Variants in ELMO1 observed in about 807,000 individuals in gnomAD.
ELMO1 encodes the protein engulfment and cell motility 1.
ELMO1 carries 26 observed loss-of-function variants against 98.9 expected under a neutral mutation model. That is an observed-to-expected ratio of 0.26 (90% CI 0.19 to 0.36). The LOEUF (loss-of-function observed/expected upper bound fraction) is 0.36. ELMO1 is among the 10% of genes least tolerant of loss of function. ELMO1 has a pLI of 1.00. For synonymous variants in ELMO1, 346 were observed against 346.0 expected (o/e 1.00, Z 0.00); for missense variants, 627 against 935.2 (o/e 0.67, Z 4.30).
At chr7:36,859,275 TACC>T (rs1433818814) in intron 21 of ELMO1, among the ~76,000 whole-genome samples, 1 of 152,234 alleles carries the variant, frequency 6.6e-6, no homozygotes, top group Non-Finnish European at 1.5e-5. Context: ...AATAAATAAA[TACC>T]ACATTATTAA....
Position 37,255,795 on chromosome 7 carries a change from A to C in ELMO1, c.413+3386T>G, listed in dbSNP as rs1350030875. Among the ~76,000 whole-genome samples the C allele has an allele frequency of 1.3e-5, 2 of 152,210 alleles. 1 individual carries two copies. The highest frequency in any genetic ancestry group is 4.8e-5 in the African/African-American group (2 of 41,454). On this transcript the variant is annotated intron_variant, in intron 6 of 21. Coordinates refer to ENST00000310758, the MANE Select transcript of ELMO1 (RefSeq NM_014800.11). ...GGCTCTGATGCATTGTCCTTGACTTAGCTTAATCAATAAACAGGGGTAAAC... is the reference window on the plus strand; with the variant it reads ...GGCTCTGATGCATTGTCCTTGACTTCGCTTAATCAATAAACAGGGGTAAAC...
intron 1 of ELMO1, among the ~76,000 whole-genome samples, chr7:37,410,007 C>T (rs1460079476): frequency 2.0e-5 from 3 of 152,214 alleles, no homozygotes; most frequent in Non-Finnish European, 4.4e-5. Context: ...TCCCTCCTTC[C>T]CGCAAAGTCA....
At chr7:37,225,627 T>C (rs1306065490) in intron 8 of ELMO1, among the ~76,000 whole-genome samples, 1 of 152,182 alleles carries the variant, frequency 6.6e-6, no homozygotes, top group Non-Finnish European at 1.5e-5. Flanking sequence ...TCTTTTCATC[T>C]CTCCCAAATT....
intron 14 of ELMO1, among the ~76,000 whole-genome samples, chr7:37,111,472 C>G (rs879079037): frequency 6.6e-6 from 1 of 152,216 alleles, no homozygotes; most frequent in Admixed American, 6.5e-5. Context: ...ATTGATACCA[C>G]AGAAACCAGC....
chr7:37,053,268 G>C (rs532538155), intron 15 of ELMO1, among the ~76,000 whole-genome samples: 4 of 146,136 alleles, frequency 2.7e-5, no homozygotes, highest in Non-Finnish European at 6.0e-5. Context: ...ACTTTGCAGG[G>C]CATTTTCATT....
At chr7:37,291,940 CTCCCT>C (rs1797706802) in intron 4 of ELMO1, among the ~76,000 whole-genome samples, 2 of 87,268 alleles carry the variant, frequency 2.3e-5, no homozygotes, top group Non-Finnish European at 4.6e-5. Context: ...CCCCCTCCCT[CTCCCT>C]CTGCCCACGG....
intron 16 of ELMO1, among the ~76,000 whole-genome samples, chr7:36,938,812 AT>A (rs144027675): frequency 0.11 from 16,761 of 152,106 alleles, 1,070 homozygotes; most frequent in East Asian, 0.28. Flanking sequence ...CATGAGAGAG[AT>A]TTTTTTGTCT....
chr7:37,231,980 G>A (rs1476434346), intron 8 of ELMO1, among the ~76,000 whole-genome samples: 2 of 151,982 alleles, frequency 1.3e-5, no homozygotes, highest in African/African-American at 4.8e-5. Flanking sequence ...AACCTCCCAA[G>A]TAGGCGGGAT....
chr7:37,257,964 T>C (rs1795771855), intron 6 of ELMO1, among the ~76,000 whole-genome samples: 1 of 151,380 alleles, frequency 6.6e-6, no homozygotes, highest in African/African-American at 2.4e-5. Flanking sequence ...TAAAACCCCA[T>C]CTCTACTAAA....
chr7:37,135,709 A>T (rs1318036526), intron 13 of ELMO1, among the ~76,000 whole-genome samples: 1 of 152,202 alleles, frequency 6.6e-6, no homozygotes, highest in Non-Finnish European at 1.5e-5. Flanking sequence ...ACCCTGTAAG[A>T]CAAAAGAATC....
intron 7 of ELMO1, among the ~76,000 whole-genome samples, chr7:37,235,685 C>A (rs1173634121): frequency 1.3e-5 from 2 of 152,252 alleles, no homozygotes; most frequent in Non-Finnish European, 2.9e-5. Context: ...GCAATCCCAG[C>A]ACTCTGGGAG....
At position 37,283,216 on chromosome 7, in the gene ELMO1, G is replaced by A. The variant is rs1317627092; in HGVS notation, c.193-11334C>T. On this transcript the variant is annotated intron_variant, in intron 4 of 21. Transcript: ENST00000310758. ...GTGTTTTAATCAAGGACTTGTGGAAGATAGAGAGAAAGAACAACATGCTTT... is the reference window on the plus strand; with the variant it reads ...GTGTTTTAATCAAGGACTTGTGGAAAATAGAGAGAAAGAACAACATGCTTT... 2.0e-5 allele frequency among the ~76,000 whole-genome samples: 3 copies of A among 152,122 alleles called. No homozygotes were observed. In the East Asian group the frequency reaches 5.8e-4, roughly 29 times the overall value.
At chr7:37,362,094 A>C (rs924648713) in intron 1 of ELMO1, among the ~76,000 whole-genome samples, 1 of 152,188 alleles carries the variant, frequency 6.6e-6, no homozygotes, top group South Asian at 2.1e-4. Flanking sequence ...GAAAATAAAA[A>C]ATAAAATAAA....
chr7:37,446,668 A>T lies in ELMO1; in HGVS notation c.-74+2007T>A, dbSNP rs61195954. Among the ~76,000 whole-genome samples, 1,261 of 152,300 alleles carry T rather than the reference A, an allele frequency of 8.3e-3. 24 individuals carry two copies. The highest frequency in any genetic ancestry group is 0.029 in the African/African-American group (1,199 of 41,564). ...CATCTTCTTGCCCAATGACTGCTCC[A>T]GGCCCTGAGTTTCCCCAGACTCCCA... On this transcript the variant is annotated intron_variant, in intron 1 of 21. Transcript: ENST00000310758.
chr7:37,203,015 C>T (rs1302071124), intron 13 of ELMO1, among the ~76,000 whole-genome samples: 1 of 152,076 alleles, frequency 6.6e-6, no homozygotes, highest in Non-Finnish European at 1.5e-5. Context: ...GCAGAAACAA[C>T]CCCTCCCCAA....
chr7:37,298,549 C>A (rs1378283197), intron 4 of ELMO1, among the ~76,000 whole-genome samples: 4 of 147,240 alleles, frequency 2.7e-5, no homozygotes, highest in East Asian at 2.0e-4. Context: ...TGAGAATATG[C>A]GGTGTTTGGT....
At chr7:37,275,000 C>T (rs905494373) in intron 4 of ELMO1, among the ~76,000 whole-genome samples, 3 of 152,160 alleles carry the variant, frequency 2.0e-5, no homozygotes, top group Non-Finnish European at 4.4e-5. Context: ...TCTATGCCCA[C>T]GTTAAAGATA....
Position 37,194,640 on chromosome 7 carries a change from A to C in ELMO1, c.1086+16746T>G, listed in dbSNP as rs77181534. Among the ~76,000 whole-genome samples, 235 of 152,298 alleles carry C rather than the reference A, an allele frequency of 1.5e-3. 1 individual carries two copies. Among genetic ancestry groups the C allele is most frequent in the African/African-American group, 5.6e-3 (231 of 41,570 alleles). On this transcript the variant is annotated intron_variant, in intron 13 of 21. Transcript: ENST00000310758. ...CCAGCCTCAAAGGAGCAGAAATTGA[A>C]GGAAACTTCACATTCTTCCACTTTC...
chr7:36,934,350 T>C lies in ELMO1; in HGVS notation c.1438-39333A>G, dbSNP rs544098055. Among the ~76,000 whole-genome samples, 5 of 152,316 alleles carry C rather than the reference T, an allele frequency of 3.3e-5. No individual in the cohort carries two copies. The South Asian group carries it at 8.3e-4, about 25-fold the overall frequency. On this transcript the variant is annotated intron_variant, in intron 16 of 21. Coordinates refer to ENST00000310758, the MANE Select transcript of ELMO1 (RefSeq NM_014800.11). ...GAAAGTGAGGCAAGGGCTGACAACA[T>C]CTGCCTTTGCTTTGGCAGCTCTGCA...
Sources: allele counts gnomAD v4.1 joint callset (sites outside exome capture counted in the v4.1 genomes callset), GRCh38; gene constraint gnomAD v4.1.1; transcripts MANE v1.5; gene names NCBI Gene and HGNC (gene_info 2026-07-23, HGNC 2026-07-21).